MBD5: variants seen among roughly 807,000 people sequenced by gnomAD.
MBD5 encodes the protein methyl-CpG binding domain protein 5.
MBD5 carries 13 observed loss-of-function variants against 117.3 expected under a neutral mutation model. That is an observed-to-expected ratio of 0.11 (90% CI 0.07 to 0.18). The LOEUF is 0.18. Ranked by LOEUF, MBD5 falls within the 10% of genes least tolerant of loss-of-function variation. MBD5 has a pLI of 1.00. For synonymous variants in MBD5, 727 were observed against 766.4 expected, an observed-to-expected ratio of 0.95 and a Z score of 0.85; for missense variants, 1,879 against 2,093.8, an observed-to-expected ratio of 0.90 and a Z score of 2.00.
chr2:148,400,309 T>TAA (rs1704879070), intron 4 of MBD5, among the ~76,000 whole-genome samples: 1 of 152,218 alleles, frequency 6.6e-6, no homozygotes, highest in Admixed American at 6.5e-5. Flanking sequence ...TGGTTCTGGT[T>TAA]AAAGCAGGGT....
At chr2:148,078,947 C>G (rs1190580977) in intron 1 of MBD5, among the ~76,000 whole-genome samples, 2 of 152,170 alleles carry the variant, frequency 1.3e-5, no homozygotes, top group Non-Finnish European at 2.9e-5. Flanking sequence ...ACAAGTGCTA[C>G]AGACTGGAAC....
chr2:148,169,974 T>C lies in MBD5; in HGVS notation c.-924-8726T>C, dbSNP rs917563641. 2.6e-5 allele frequency among the ~76,000 whole-genome samples: 4 copies of C among 151,836 alleles called. No individual in the cohort carries two copies. The South Asian group carries it at 6.3e-4, about 24-fold the overall frequency. ...GTGCAGTGGCGCGATCTCGGCTCAC[T>C]GCAAGCTCCGCCTCCCGGGTTCACG... On this transcript the variant is annotated intron_variant, in intron 1 of 13. Coordinates refer to ENST00000642680, the MANE Select transcript of MBD5 (RefSeq NM_001378120.1).
chr2:148,100,573 C>T (rs1184507637), intron 1 of MBD5, among the ~76,000 whole-genome samples: 1 of 152,136 alleles, frequency 6.6e-6, no homozygotes, highest in African/African-American at 2.4e-5. Flanking sequence ...GCTGTGAGGG[C>T]TGAAATAATC....
At chr2:148,445,288 C>A (rs1028098007) in intron 4 of MBD5, among the ~76,000 whole-genome samples, 20 of 150,748 alleles carry the variant, frequency 1.3e-4, no homozygotes, top group Admixed American at 2.6e-4. Context: ...CCTCCCCGCT[C>A]CCCCCACCCC....
At chr2:148,258,629 G>A (rs1161813026) in intron 3 of MBD5, among the ~76,000 whole-genome samples, 2 of 152,264 alleles carry the variant, frequency 1.3e-5, no homozygotes, top group African/African-American at 2.4e-5. Context: ...GGGTGGGACC[G>A]GGTGGCGCAG....
intron 1 of MBD5, among the ~76,000 whole-genome samples, chr2:148,111,193 T>C (rs1227071290): frequency 1.3e-5 from 2 of 152,176 alleles, no homozygotes; most frequent in Non-Finnish European, 2.9e-5. Flanking sequence ...AATAGAGAAA[T>C]CTGGCAGATA....
chr2:148,225,267 A>G (rs1699792856), intron 2 of MBD5, among the ~76,000 whole-genome samples: 2 of 152,070 alleles, frequency 1.3e-5, no homozygotes, highest in Admixed American at 6.6e-5. Flanking sequence ...CTTATAACCC[A>G]TTATTTTAAG....
At position 148,221,417 on chromosome 2, in the gene MBD5, C is replaced by T. The variant is rs116550365; in HGVS notation, c.-830-11828C>T. On this transcript the variant is annotated intron_variant, in intron 2 of 13. Coordinates refer to ENST00000642680, the MANE Select transcript of MBD5 (RefSeq NM_001378120.1). ...GGTTCCGTTTTTTCCACATCCTTGC[C>T]AGCATTTGTTATTGCCTTTCTTTTG... Among the ~76,000 whole-genome samples, 1,403 of 152,154 alleles carry T rather than the reference C, an allele frequency of 9.2e-3. 17 individuals are homozygous for T. The highest frequency in any genetic ancestry group is 0.032 in the African/African-American group (1,343 of 41,526).
intron 4 of MBD5, among the ~76,000 whole-genome samples, chr2:148,439,709 G>T (rs1706260305): frequency 1.3e-5 from 2 of 149,470 alleles, no homozygotes; most frequent in South Asian, 4.2e-4. Context: ...ATTTAAAATT[G>T]CAATTGTCAC....
intron 1 of MBD5, among the ~76,000 whole-genome samples, chr2:148,145,171 G>A (rs573029926): frequency 5.9e-5 from 9 of 152,232 alleles, no homozygotes; most frequent in Non-Finnish European, 1.2e-4. Flanking sequence ...CACATCCCTT[G>A]TAGGTTGGAT....
intron 4 of MBD5, among the ~76,000 whole-genome samples, chr2:148,388,146 A>T (rs960835133): frequency 1.3e-5 from 2 of 152,194 alleles, no homozygotes; most frequent in African/African-American, 4.8e-5. Context: ...AACAAAATAC[A>T]TTGTTTTGTG....
At chr2:148,050,564 A>G (rs1252911343) in intron 1 of MBD5, among the ~76,000 whole-genome samples, 2 of 152,106 alleles carry the variant, frequency 1.3e-5, no homozygotes, top group African/African-American at 4.8e-5. Flanking sequence ...TTTTGTCTCA[A>G]TAATTTTTTT....
intron 1 of MBD5, among the ~76,000 whole-genome samples, chr2:148,136,078 G>A (rs187291908): frequency 6.6e-6 from 1 of 152,188 alleles, no homozygotes; most frequent in African/African-American, 2.4e-5. Context: ...AGTATTCATA[G>A]TGGGGGGTGG....
intron 4 of MBD5, among the ~76,000 whole-genome samples, chr2:148,356,441 G>GGACT (rs1205868816): frequency 1.8e-4 from 28 of 151,782 alleles, no homozygotes; most frequent in African/African-American, 6.8e-4. Flanking sequence ...CTCCCCCACT[G>GGACT]GACTGTAAGC....
rs150421614 is a variant in MBD5, at chr2:148,239,088, A to G, written c.-680+5693A>G. 3.0e-3 allele frequency among the ~76,000 whole-genome samples: 450 copies of G among 151,942 alleles called. 4 individuals carry two copies. Among genetic ancestry groups the G allele is most frequent in the African/African-American group, 0.01 (421 of 41,502 alleles). The stretch of plus-strand genomic sequence containing the variant: ...TGTATATATGTGTGGGTGTCTGTAT[A>G]TATATATAACTGAGAATAGAATTAG... On this transcript the variant is annotated intron_variant, in intron 3 of 13. Coordinates refer to ENST00000642680, the MANE Select transcript of MBD5 (RefSeq NM_001378120.1).
chr2:148,208,132 ATTAG>A (rs1052957146), intron 2 of MBD5, among the ~76,000 whole-genome samples: 2 of 152,134 alleles, frequency 1.3e-5, no homozygotes, highest in African/African-American at 4.8e-5. Context: ...TATTATTAAG[ATTAG>A]TTAATCAATT....
intron 3 of MBD5, among the ~76,000 whole-genome samples, chr2:148,333,947 A>G (rs187554280): frequency 1.5e-3 from 226 of 152,294 alleles, no homozygotes; most frequent in African/African-American, 5.1e-3. Flanking sequence ...TGAGAGAGGG[A>G]AAAGTACTTG....
chr2:148,386,950 C>A (rs999028673), intron 4 of MBD5, among the ~76,000 whole-genome samples: 16 of 152,190 alleles, frequency 1.1e-4, no homozygotes, highest in African/African-American at 2.6e-4. Context: ...AAGCTTCAGG[C>A]CTACATGGCT....
intron 1 of MBD5, among the ~76,000 whole-genome samples, chr2:148,104,027 C>T (rs1696303336): frequency 1.3e-5 from 2 of 152,088 alleles, no homozygotes; most frequent in Non-Finnish European, 2.9e-5. Flanking sequence ...TCTTCCCTTT[C>T]CCCTGACTAA....
Sources: allele counts gnomAD v4.1 joint callset (sites outside exome capture counted in the v4.1 genomes callset), GRCh38; gene constraint gnomAD v4.1.1; transcripts MANE v1.5; gene names NCBI Gene and HGNC (gene_info 2026-07-23, HGNC 2026-07-21).